The following TMC5 variants were observed in gnomAD, a reference collection of about 807,000 sequenced individuals.
The protein encoded by TMC5 is transmembrane channel like 5.
Under a neutral mutation model 110.5 loss-of-function variants are expected in TMC5, and 86 were observed. That is an observed-to-expected ratio of 0.78 (90% confidence interval 0.65 to 0.93). The LOEUF is 0.93. Ranked by LOEUF, TMC5 falls within the 40% of genes least tolerant of loss-of-function variation. The pLI is 0.00. For synonymous variants in TMC5, 455 were observed against 439.5 expected (o/e 1.04, Z -0.44); for missense variants, 1,144 against 1,222.8 (o/e 0.94, Z 0.96).
At chr16:19,489,853 A>T (rs931313013) in intron 17 of TMC5, among the ~76,000 whole-genome samples, 5 of 150,424 alleles carry the variant, frequency 3.3e-5, no homozygotes, top group African/African-American at 1.2e-4. Flanking sequence ...CAGTGGTGTG[A>T]TCACAGCTCA....
chr16:19,484,665 G>T (rs573950302), intron 15 of TMC5, among the ~76,000 whole-genome samples: 1 of 151,964 alleles, frequency 6.6e-6, no homozygotes, highest in South Asian at 2.1e-4. Flanking sequence ...GGAAGCTGAG[G>T]CAGGAGAATC....
At chr16:19,472,343 T>C in intron 11 of TMC5, 100 bp downstream of exon 11, 3 of 1,365,936 alleles carry the variant, frequency 2.2e-6, no homozygotes, top group African/African-American at 1.4e-5. Flanking sequence ...CCAGGATCTA[T>C]GGCCAGCAGC....
intron 2 of TMC5, among the ~76,000 whole-genome samples, chr16:19,437,547 G>A (rs971687609): frequency 3.3e-5 from 5 of 152,178 alleles, no homozygotes; most frequent in East Asian, 1.9e-4. Flanking sequence ...TAATATTATC[G>A]TAGCTCTGAT....
chr16:19,443,335 T>A (rs1479088566), intron 3 of TMC5, among the ~76,000 whole-genome samples: 1 of 152,200 alleles, frequency 6.6e-6, no homozygotes, highest in African/African-American at 2.4e-5. Flanking sequence ...GCCTCACACC[T>A]TTTTTTATGC....
chr16:19,460,498 G>C lies in TMC5; in HGVS notation c.1148+164G>C, dbSNP rs1967994422. Among the ~76,000 whole-genome samples the C allele has an allele frequency of 2.6e-5, 4 of 152,114 alleles. No individual in the cohort carries two copies. The South Asian group carries it at 8.3e-4, about 31-fold the overall frequency. On this transcript the variant is annotated intron_variant, in intron 6 of 21. Coordinates refer to ENST00000542583, the MANE Select transcript of TMC5 (RefSeq NM_001261841.2). ...CCTCTGTAGGTACTCCTTTCTCCAG[G>C]GGCTACAGCTTAATTCCTGCTCCTG...
intron 18 of TMC5, among the ~76,000 whole-genome samples, chr16:19,491,679 G>GCC (rs757128058): frequency 2.0e-5 from 3 of 151,820 alleles, no homozygotes; most frequent in Non-Finnish European, 4.4e-5. Context: ...GGGACTACAG[G>GCC]CACCCACCAC....
chr16:19,469,556 C>A, intron 9 of TMC5, 125 bp from the exon 10 acceptor site: 2 of 1,219,536 alleles, frequency 1.6e-6, no homozygotes, highest in Non-Finnish European at 2.3e-6. Flanking sequence ...TCCAGGCCAA[C>A]AGCTTGGGGC....
At chr16:19,449,063 G>A (rs1967689358) in intron 4 of TMC5, among the ~76,000 whole-genome samples, 1 of 151,806 alleles carries the variant, frequency 6.6e-6, no homozygotes, top group African/African-American at 2.4e-5. Context: ...GGGTTAGCCA[G>A]GATGGTCTCG....
At chr16:19,444,699 G>C (rs1199582336) in intron 4 of TMC5, among the ~76,000 whole-genome samples, 1 of 152,220 alleles carries the variant, frequency 6.6e-6, no homozygotes, top group Non-Finnish European at 1.5e-5. Flanking sequence ...GTGGCCACCT[G>C]TAGTTTAGCA....
intron 14 of TMC5, among the ~76,000 whole-genome samples, chr16:19,480,451 C>A (rs1339312829): frequency 6.6e-6 from 1 of 152,236 alleles, no homozygotes; most frequent in East Asian, 1.9e-4. Flanking sequence ...CAAATTTCCT[C>A]ATTCATTTTT....
At chr16:19,447,650 T>G (rs574101590) in intron 4 of TMC5, among the ~76,000 whole-genome samples, 6 of 152,158 alleles carry the variant, frequency 3.9e-5, no homozygotes, top group African/African-American at 1.2e-4. Flanking sequence ...AGTGGTGCAA[T>G]CTCAGCTCAC....
intron 9 of TMC5, 61 bp from the exon 10 acceptor site, chr16:19,469,620 C>A (rs1968274593): frequency 1.9e-6 from 3 of 1,599,458 alleles, no homozygotes; most frequent in East Asian, 2.2e-5. Flanking sequence ...TTTGTTGAAG[C>A]CCTGCACTCC....
At chr16:19,485,195 G>A (rs377234105) in intron 15 of TMC5, among the ~76,000 whole-genome samples, 125 of 148,330 alleles carry the variant, frequency 8.4e-4, no homozygotes, top group African/African-American at 3.0e-3. Flanking sequence ...CTCCCAAAGT[G>A]CTGGGATAAC....
At chr16:19,451,300 C>T (rs918887338) in intron 5 of TMC5, among the ~76,000 whole-genome samples, 1 of 152,132 alleles carries the variant, frequency 6.6e-6, no homozygotes, top group South Asian at 2.1e-4. Context: ...CACCTTTCAG[C>T]CCCATCGCCT....
intron 1 of TMC5, among the ~76,000 whole-genome samples, chr16:19,418,807 A>C (rs1966915481): frequency 6.7e-6 from 1 of 149,376 alleles, no homozygotes; most frequent in South Asian, 2.1e-4. Context: ...AGCTCACTGC[A>C]GCCTTGATCT....
intron 17 of TMC5, among the ~76,000 whole-genome samples, chr16:19,489,681 T>C (rs1362054540): frequency 6.7e-6 from 1 of 149,912 alleles, no homozygotes; most frequent in Admixed American, 6.7e-5. Context: ...ATGGGTGTCT[T>C]GCTATGTTGC....
intron 8 of TMC5, among the ~76,000 whole-genome samples, chr16:19,465,046 TCTTTCTTTCTTTTCCTTCC>T (rs1968136852): frequency 9.5e-6 from 1 of 105,300 alleles, no homozygotes; most frequent in African/African-American, 4.8e-5. Context: ...TTTCTTTCTT[TCTTTCTTTCTTTTCCTTCC>T]TTCCTTCCTT....
chr16:19,464,916 A>G (rs1467222877), intron 8 of TMC5, among the ~76,000 whole-genome samples: 2 of 151,290 alleles, frequency 1.3e-5, no homozygotes, highest in African/African-American at 2.4e-5. Context: ...TGACAGGCAC[A>G]TAGATTATTA....
At chr16:19,497,364 T>A (rs899731678) in intron 21 of TMC5, among the ~76,000 whole-genome samples, 4 of 152,242 alleles carry the variant, frequency 2.6e-5, no homozygotes, top group Non-Finnish European at 5.9e-5. Context: ...AGAACCCGGT[T>A]TCTTTCAGTT....
Sources: allele counts gnomAD v4.1 joint callset (sites outside exome capture counted in the v4.1 genomes callset), GRCh38; gene constraint gnomAD v4.1.1; transcripts MANE v1.5; gene names NCBI Gene and HGNC (gene_info 2026-07-23, HGNC 2026-07-21).